Variants in IQANK1 observed in about 807,000 individuals in gnomAD.
The protein encoded by IQANK1 is IQ motif and ankyrin repeat containing 1, also known as IQ motif and ankyrin repeat domain-containing protein 1.
IQANK1 carries 30 observed loss-of-function variants against 22.6 expected under a neutral mutation model. The ratio of observed to expected loss-of-function variants is 1.33; its 90% CI spans 0.99 to 1.80. The LOEUF is 1.80. IQANK1 is among the 40% of genes most tolerant of loss of function. IQANK1 has a pLI of 0.00. For synonymous variants in IQANK1, 122 were observed against 99.6 expected (o/e 1.23, Z -1.34); for missense variants, 275 against 235.2 (o/e 1.17, Z -1.11).
At chr8:143,789,549 T>G (rs1297717222) in intron 10 of IQANK1, 21 bp downstream of exon 10, 26 of 1,231,964 alleles carry the variant, frequency 2.1e-5, no homozygotes, top group Non-Finnish European at 2.5e-5. Flanking sequence ...GTGGTGGACT[T>G]GATATGCCCC....
At chr8:143,745,259 C>T (rs182837566) in intron 3 of IQANK1, 245 of 152,358 alleles carry the variant, frequency 1.6e-3, no homozygotes, top group Non-Finnish European at 2.4e-3. Context: ...TCTGATCATA[C>T]TCACTGGGTC....
intron 2 of IQANK1, among the ~76,000 whole-genome samples, chr8:143,736,546 A>C (rs974232096): frequency 1.3e-5 from 2 of 152,096 alleles, no homozygotes; most frequent in Non-Finnish European, 2.9e-5. Context: ...GGCAGGAGCC[A>C]GTGGGAGGCG....
chr8:143,789,544 G>A lies in IQANK1; in HGVS notation c.1086+16G>A. The A allele has an allele frequency of 3.2e-6, 4 of 1,232,230 alleles. No homozygotes were observed. Among genetic ancestry groups the A allele is most frequent in the Non-Finnish European group, 4.0e-6 (4 of 988,170 alleles). 76.3% of individuals were successfully genotyped at this position (1,232,230 alleles called of 1,614,324 possible). A position where few individuals can be genotyped will look rare whatever the true frequency, so the allele number is the denominator to read the frequency against. The stretch of plus-strand genomic sequence containing the variant: ...CACGCTGCAGGTGGGGGCCCGTGGT[G>A]GACTTGATATGCCCCTGCGTCCTCA... On this transcript the variant is annotated intron_variant, in intron 10 of 13. Coordinates refer to ENST00000527139, the MANE Select transcript of IQANK1 (RefSeq NM_001381874.1).
chr8:143,773,318 AAAAAAAAC>A lies in IQANK1; in HGVS notation c.789+838_789+845del, dbSNP rs1406327215. Among the ~76,000 whole-genome samples the A allele has an allele frequency of 3.1e-3, 234 of 75,720 alleles. 2 individuals carry two copies. Among genetic ancestry groups the A allele is most frequent in the African/African-American group, 0.014 (222 of 15,368 alleles). 49.7% of individuals were successfully genotyped at this position (75,720 alleles called of 152,430 possible). ...TGAGACTCAAAAAAAAAAAAAAAACAAAAAAAACACAAAAAAAACAGAGTCTGCCCTGG... is the reference window on the plus strand; with the variant it reads ...TGAGACTCAAAAAAAAAAAAAAAACAACAAAAAAAACAGAGTCTGCCCTGG... On this transcript the variant is annotated intron_variant, in intron 7 of 13. Transcript: ENST00000527139.
At chr8:143,736,064 C>T (rs1158783231) in intron 2 of IQANK1, 126 bp downstream of exon 2, 4 of 635,694 alleles carry the variant, frequency 6.3e-6, no homozygotes, top group Admixed American at 2.4e-5. Context: ...TTTTAGGGGA[C>T]CTCTGAGTTG....
At chr8:143,772,956 C>T (rs112253984) in intron 7 of IQANK1, among the ~76,000 whole-genome samples, 7,236 of 152,294 alleles carry the variant, frequency 0.048, 505 homozygotes, top group African/African-American at 0.16. Flanking sequence ...ACTTGAGCCA[C>T]ACAGCCCAGC....
At chr8:143,745,424 C>CT (rs372739878) in intron 3 of IQANK1, 150 of 150,160 alleles carry the variant, frequency 1.0e-3, no homozygotes, top group Non-Finnish European at 1.7e-3. Flanking sequence ...GCATTTCTTC[C>CT]TTTTTTTTTT....
At position 143,774,147 on chromosome 8, in the gene IQANK1, A is replaced by G. The variant is rs894567360; in HGVS notation, c.789+1665A>G. ...TCTTTGGGGCCTAGGACTTGGAGGG[A>G]TTCTTGGACATGACACAAAAAGCAC... On this transcript the variant is annotated intron_variant, in intron 7 of 13. Transcript: ENST00000527139. This position sits in a 1 kb window ranked among gnomAD's most constrained non-coding sequence, Gnocchi z 4.2. Among the ~76,000 whole-genome samples, 6 of 148,714 alleles carry G rather than the reference A, an allele frequency of 4.0e-5. No individual in the cohort carries two copies. Among genetic ancestry groups the G allele is most frequent in the Non-Finnish European group, 5.9e-5 (4 of 67,384 alleles).
intron 3 of IQANK1, among the ~76,000 whole-genome samples, chr8:143,747,993 T>TCC (rs782135107): frequency 3.6e-5 from 4 of 110,672 alleles, no homozygotes; most frequent in African/African-American, 9.4e-5. Context: ...CCCTTTCCTT[T>TCC]CTTTTCCTTT....
chr8:143,780,299 G>T (rs938829888), intron 7 of IQANK1, among the ~76,000 whole-genome samples: 2 of 151,976 alleles, frequency 1.3e-5, no homozygotes, highest in Non-Finnish European at 2.9e-5. Flanking sequence ...TATATACAAA[G>T]AAACTTAAGC....
intron 3 of IQANK1, 27 bp downstream of exon 3, chr8:143,739,975 T>A (rs1554626247): frequency 1.5e-6 from 1 of 678,844 alleles, no homozygotes; most frequent in Admixed American, 2.1e-5. Context: ...CCCGCGCCGC[T>A]GTGGGTGACC....
chr8:143,790,057 G>T lies in IQANK1; in HGVS notation c.1282G>T (p.Asp428Tyr), dbSNP rs924148331. ...MKDVGNRIRA[D>Y]GRWPLVIDPL... ...AGATGTAGGCAACCGCATCCGTGCC[G>T]ATGGCCGGTCAGTTCTCCGGGCCAG... is the stretch of plus-strand genomic sequence containing the variant. Residue 428 changes from aspartate to tyrosine, a missense_variant, in exon 12 of 14, where the codon GAT becomes TAT. Coordinates refer to ENST00000527139, the MANE Select transcript of IQANK1 (RefSeq NM_001381874.1). 2.4e-6 allele frequency: 3 copies of T among 1,232,130 alleles called. No individual in the cohort carries two copies. In the East Asian group the frequency reaches 9.5e-5, roughly 39 times the overall value. 76.3% of individuals were successfully genotyped at this position (1,232,130 alleles called of 1,614,324 possible).
chr8:143,786,723 G>A (rs1819896286), intron 7 of IQANK1, among the ~76,000 whole-genome samples: 1 of 152,194 alleles, frequency 6.6e-6, no homozygotes, highest in African/African-American at 2.4e-5. Flanking sequence ...ACCAGGGCGG[G>A]CAGGGCTGGG....
intron 7 of IQANK1, among the ~76,000 whole-genome samples, chr8:143,784,165 A>C (rs781837290): frequency 6.6e-6 from 1 of 151,920 alleles, no homozygotes; most frequent in African/African-American, 2.4e-5. Flanking sequence ...GGATGTTGCT[A>C]TGTTTTGGAT....
intron 3 of IQANK1, among the ~76,000 whole-genome samples, chr8:143,767,370 G>A (rs569860166): frequency 1.3e-5 from 2 of 152,302 alleles, no homozygotes; most frequent in South Asian, 2.1e-4. Context: ...GTTTGCTCAT[G>A]TGTATAGAGA....
At chr8:143,770,562 C>G (rs1052054279) in intron 3 of IQANK1, among the ~76,000 whole-genome samples, 1 of 152,208 alleles carries the variant, frequency 6.6e-6, no homozygotes, top group African/African-American at 2.4e-5. Flanking sequence ...TCTGCCCATG[C>G]TCCCTGGGAG....
chr8:143,768,367 GT>G (rs1216181247), intron 3 of IQANK1, among the ~76,000 whole-genome samples: 2 of 152,014 alleles, frequency 1.3e-5, no homozygotes, highest in African/African-American at 2.4e-5. Context: ...CGATCACTTA[GT>G]GGGGGGGTTT....
At chr8:143,788,038 G>T (rs1176873712) in intron 7 of IQANK1, among the ~76,000 whole-genome samples, 13 of 152,146 alleles carry the variant, frequency 8.5e-5, no homozygotes, top group African/African-American at 3.1e-4. Flanking sequence ...TTCCGAGTAT[G>T]AGAGTCTCCC....
rs1230460711 is a variant in IQANK1, at chr8:143,750,962, GTGTGTT to G, written c.175+11016_175+11021del. Among the ~76,000 whole-genome samples the G allele has an allele frequency of 3.9e-4, 56 of 142,506 alleles. No individual in the cohort carries two copies. The East Asian group carries it at 6.2e-3, about 16-fold the overall frequency. 93.5% of individuals were successfully genotyped at this position (142,506 alleles called of 152,430 possible). The stretch of plus-strand genomic sequence containing the variant: ...TCTTCTTTTGTGTGTGTGTGTGTGT[GTGTGTT>G]TTTTTGTAGTGAAATGTTTCAATTT... On this transcript the variant is annotated intron_variant, in intron 3 of 13. Transcript: ENST00000527139.
Sources: gnomAD v4.1 joint callset for allele counts (sites outside exome capture counted in the v4.1 genomes callset) on GRCh38, gnomAD v4.1.1 for gene constraint, Gnocchi (gnomAD v3.1) non-coding constraint, MANE v1.5 for transcripts, NCBI Gene and HGNC (gene_info 2026-07-23, HGNC 2026-07-21) for gene names.